The following SND1 variants were observed in gnomAD, a reference collection of about 807,000 sequenced individuals.
SND1 encodes staphylococcal nuclease and tudor domain containing 1.
SND1 carries 38 observed loss-of-function variants against 121.7 expected under a neutral mutation model. The ratio of observed to expected loss-of-function variants is 0.31; its 90% CI spans 0.24 to 0.41. The LOEUF is 0.41. Ranked by LOEUF, SND1 falls within the 10% of genes least tolerant of loss-of-function variation. The pLI, the probability that SND1 is intolerant of heterozygous loss-of-function variation, is 1.00. For missense variants in SND1, 868 were observed against 1,184.6 expected, an observed-to-expected ratio of 0.73 and a Z score of 3.92; for synonymous variants, 401 against 447.4, an observed-to-expected ratio of 0.90 and a Z score of 1.31.
intron 11 of SND1, among the ~76,000 whole-genome samples, chr7:127,808,028 C>G (rs1315081761): frequency 6.6e-6 from 1 of 152,018 alleles, no homozygotes; most frequent in East Asian, 1.9e-4. Flanking sequence ...TATTGTAATG[C>G]ACTGTGGCAT....
At chr7:127,998,685 C>A (rs1802738631) in intron 16 of SND1, 1 of 152,190 alleles carries the variant, frequency 6.6e-6, no homozygotes, top group South Asian at 2.1e-4. Context: ...AAGAGAGGGC[C>A]CTCAAATCCC....
At chr7:127,953,034 T>C (rs1801497712) in intron 15 of SND1, among the ~76,000 whole-genome samples, 1 of 151,992 alleles carries the variant, frequency 6.6e-6, no homozygotes, top group South Asian at 2.1e-4. Flanking sequence ...CATGGTGGTG[T>C]GCACCTGTAG....
Position 128,085,116 on chromosome 7 carries a change from T to TGGCC in SND1, c.2234+278_2234+281dup, listed in dbSNP as rs772722381. Among the ~76,000 whole-genome samples, 4 of 152,218 alleles carry TGGCC rather than the reference T, an allele frequency of 2.6e-5. No homozygotes were observed. The South Asian group carries it at 6.2e-4, about 24-fold the overall frequency. On this transcript the variant is annotated intron_variant, in intron 19 of 23. Transcript: ENST00000354725. This position sits in a 1 kb window ranked among gnomAD's most constrained non-coding sequence, Gnocchi z 4.4. ...TGGGAGCCCTTGCTGGCTGGCTGGC[T>TGGCC]GGCCGGCCGGCCAGGCTGTCCAGCA...
chr7:127,730,385 T>C (rs1796654460), intron 10 of SND1, among the ~76,000 whole-genome samples: 1 of 152,266 alleles, frequency 6.6e-6, no homozygotes, highest in Non-Finnish European at 1.5e-5. Context: ...TGTTTCACAG[T>C]AGGGTCTCTA....
At chr7:127,751,147 T>G (rs1173080423) in intron 10 of SND1, among the ~76,000 whole-genome samples, 2 of 150,362 alleles carry the variant, frequency 1.3e-5, no homozygotes, top group Admixed American at 6.6e-5. Flanking sequence ...CATGGTAGGG[T>G]GTGTGTGTGT....
At chr7:127,799,252 C>T (rs778582823) in intron 10 of SND1, among the ~76,000 whole-genome samples, 4 of 152,142 alleles carry the variant, frequency 2.6e-5, no homozygotes, top group Non-Finnish European at 5.9e-5. Flanking sequence ...CCATGAGCCT[C>T]TGGGGTACCT....
At position 127,714,493 on chromosome 7, in the gene SND1, C is replaced by T. The variant is rs554289068; in HGVS notation, c.1039-6794C>T. Among the ~76,000 whole-genome samples the T allele has an allele frequency of 9.9e-5, 15 of 152,252 alleles. No homozygotes were observed. In the East Asian group the frequency reaches 2.9e-3, roughly 29 times the overall value. On this transcript the variant is annotated intron_variant, in intron 9 of 23. Transcript: ENST00000354725. ...TCAAATTGTTTATAATGACAAAATTCATAACATAATATGTAGTATCTTAAC... is the reference window on the plus strand; with the variant it reads ...TCAAATTGTTTATAATGACAAAATTTATAACATAATATGTAGTATCTTAAC...
chr7:127,894,786 G>A (rs1250031905), intron 13 of SND1, among the ~76,000 whole-genome samples: 1 of 150,402 alleles, frequency 6.6e-6, no homozygotes, highest in Non-Finnish European at 1.5e-5. Context: ...TGATGGCTTT[G>A]CATTCATTTC....
intron 11 of SND1, among the ~76,000 whole-genome samples, chr7:127,824,639 G>A (rs550256027): frequency 6.6e-6 from 1 of 151,428 alleles, no homozygotes; most frequent in Middle Eastern, 3.4e-3. Context: ...AGCAGTCCCA[G>A]TGCTAAAAAA....
intron 1 of SND1, among the ~76,000 whole-genome samples, chr7:127,684,558 A>T (rs932261187): frequency 2.0e-5 from 3 of 152,216 alleles, no homozygotes; most frequent in Admixed American, 2.0e-4. Flanking sequence ...AGGAACTTCA[A>T]GCAGCCTCTA....
At chr7:127,976,508 C>A (rs1473157451) in intron 15 of SND1, among the ~76,000 whole-genome samples, 1 of 152,250 alleles carries the variant, frequency 6.6e-6, no homozygotes, top group Non-Finnish European at 1.5e-5. Context: ...TGTTGCCACA[C>A]TGTGACAGGG....
At chr7:127,810,571 C>T (rs1003502198) in intron 11 of SND1, among the ~76,000 whole-genome samples, 7 of 152,200 alleles carry the variant, frequency 4.6e-5, no homozygotes, top group East Asian at 1.9e-4. Context: ...ATGATTTTCT[C>T]GCTGTGTGAA....
chr7:127,707,664 A>G lies in SND1; in HGVS notation c.1038+17A>G, dbSNP rs1435708255. The G allele has an allele frequency of 6.3e-7, 1 of 1,592,472 alleles. No homozygotes were observed. Among genetic ancestry groups the G allele is most frequent in the South Asian group, 1.1e-5 (1 of 90,606 alleles). ...GTTGCCAAGGTGAGTCATTCTCAGC[A>G]TCTTGATATGCATAGTGGACATTGC... On this transcript the variant is annotated intron_variant, in intron 9 of 23. Transcript: ENST00000354725.
At position 127,670,117 on chromosome 7, in the gene SND1, A is replaced by G. The variant is rs1003332397; in HGVS notation, c.79-16496A>G. Among the ~76,000 whole-genome samples the G allele has an allele frequency of 2.0e-5, 3 of 151,516 alleles. No individual in the cohort carries two copies. The East Asian group carries it at 5.8e-4, about 29-fold the overall frequency. On this transcript the variant is annotated intron_variant, in intron 1 of 23. Coordinates refer to ENST00000354725, the MANE Select transcript of SND1 (RefSeq NM_014390.4). ...GTGATTCTTGTGCCTCACCCTCCTG[A>G]GTAGCTGGGATCACAGGCGTGTGCC...
chr7:127,658,283 C>T (rs1795246206), intron 1 of SND1, among the ~76,000 whole-genome samples: 1 of 152,114 alleles, frequency 6.6e-6, no homozygotes, highest in Admixed American at 6.5e-5. Context: ...CCATTGCCCT[C>T]CAGCCTGGGT....
At chr7:127,941,720 T>C (rs1801207619) in intron 15 of SND1, among the ~76,000 whole-genome samples, 1 of 152,190 alleles carries the variant, frequency 6.6e-6, no homozygotes, top group African/African-American at 2.4e-5. Context: ...AATTACAAGC[T>C]AGAGCAGACG....
At position 127,963,447 on chromosome 7, in the gene SND1, C is replaced by T. The variant is rs1801783131; in HGVS notation, c.1670-27500C>T. On this transcript the variant is annotated intron_variant, in intron 15 of 23. Coordinates refer to ENST00000354725, the MANE Select transcript of SND1 (RefSeq NM_014390.4). ...GTCCCCAGAGTGTGATATTCCCCTT[C>T]CTGTGTCCATGTGATCTCATTGTTC... Among the ~76,000 whole-genome samples the T allele has an allele frequency of 4.4e-5, 6 of 136,498 alleles. No individual in the cohort carries two copies. In the South Asian group the frequency reaches 1.6e-3, roughly 36 times the overall value. The allele number at this position is 136,498 out of a possible 152,430, so 89.5% of individuals were successfully genotyped here. A position where few individuals can be genotyped will look rare whatever the true frequency, so the allele number is the denominator to read the frequency against.
intron 10 of SND1, among the ~76,000 whole-genome samples, chr7:127,777,672 T>C (rs1797646113): frequency 6.6e-6 from 1 of 152,190 alleles, no homozygotes; most frequent in South Asian, 2.1e-4. Flanking sequence ...GACATACTAT[T>C]TGTCAGTTTA....
intron 12 of SND1, chr7:127,858,150 A>T (rs1201103542): frequency 2.4e-6 from 2 of 836,124 alleles, no homozygotes; most frequent in African/African-American, 1.7e-5. Flanking sequence ...GGGGTGTGGG[A>T]TTGTGGGGTC....
Sources: gnomAD v4.1 joint callset for allele counts (sites outside exome capture counted in the v4.1 genomes callset) on GRCh38, gnomAD v4.1.1 for gene constraint, Gnocchi (gnomAD v3.1) non-coding constraint, MANE v1.5 for transcripts, NCBI Gene and HGNC (gene_info 2026-07-23, HGNC 2026-07-21) for gene names.